The following USH2A variants were observed in gnomAD, a reference collection of about 807,000 sequenced individuals.
The protein encoded by USH2A is Usher syndrome 2A (autosomal recessive, mild).
Under a neutral mutation model 538.9 loss-of-function variants are expected in USH2A, and 443 were observed. The observed-to-expected ratio is 0.82, with a 90% CI of 0.76 to 0.89. The LOEUF (loss-of-function observed/expected upper bound fraction) is 0.89. USH2A is among the 40% of genes least tolerant of loss of function. The probability of loss-of-function intolerance (pLI) is 0.00; values close to 1 mark genes in which losing one functional copy is unlikely to be tolerated. For synonymous variants in USH2A, 2,413 were observed against 2,273.5 expected (o/e 1.06, Z -1.75); for missense variants, 6,633 against 6,324.8 (o/e 1.05, Z -1.65).
intron 21 of USH2A, among the ~76,000 whole-genome samples, chr1:216,134,656 A>G (rs1163158892): frequency 6.6e-6 from 1 of 152,152 alleles, no homozygotes; most frequent in Non-Finnish European, 1.5e-5. Flanking sequence ...AACTTTTCAT[A>G]TTGCACAAAT....
intron 61 of USH2A, among the ~76,000 whole-genome samples, chr1:215,716,358 C>G (rs1273643598): frequency 2.0e-5 from 3 of 152,212 alleles, no homozygotes; most frequent in Admixed American, 6.5e-5. Flanking sequence ...TATCCCCATT[C>G]AGTCCACTTA....
intron 48 of USH2A, among the ~76,000 whole-genome samples, chr1:215,814,265 CAT>C (rs1307665716): frequency 6.9e-6 from 1 of 145,596 alleles, no homozygotes; most frequent in African/African-American, 2.5e-5. Flanking sequence ...TACACATACA[CAT>C]ATGTATATAT....
intron 21 of USH2A, among the ~76,000 whole-genome samples, chr1:216,116,275 T>C (rs566528124): frequency 6.6e-6 from 1 of 152,262 alleles, no homozygotes; most frequent in South Asian, 2.1e-4. Flanking sequence ...AAAATTTATA[T>C]TTATTTTGAT....
At chr1:215,954,845 C>G (rs1042720667) in intron 37 of USH2A, among the ~76,000 whole-genome samples, 2 of 152,280 alleles carry the variant, frequency 1.3e-5, no homozygotes, top group South Asian at 4.1e-4. Flanking sequence ...CTAGTCTCAT[C>G]TGTGCCATTC....
intron 56 of USH2A, 109 bp from the exon 57 acceptor site, chr1:215,759,952 A>C: frequency 3.1e-6 from 4 of 1,279,164 alleles, no homozygotes; most frequent in Non-Finnish European, 4.5e-6. Context: ...TTGATTTTAA[A>C]AAATATCTAA....
At chr1:215,883,471 A>G (rs1457472178) in intron 41 of USH2A, among the ~76,000 whole-genome samples, 1 of 151,796 alleles carries the variant, frequency 6.6e-6, no homozygotes. Context: ...TTTCTTTAGA[A>G]AGTGCTCCCC....
At chr1:215,751,488 G>T (rs779396952) in intron 58 of USH2A, among the ~76,000 whole-genome samples, 5 of 152,020 alleles carry the variant, frequency 3.3e-5, no homozygotes, top group African/African-American at 4.8e-5. Context: ...TCATCATCTC[G>T]ATAAATTAGA....
chr1:215,837,557 A>G (rs1663566686), intron 47 of USH2A, among the ~76,000 whole-genome samples: 1 of 152,200 alleles, frequency 6.6e-6, no homozygotes, highest in South Asian at 2.1e-4. Context: ...AAAATTGGTA[A>G]TGCTTATCTA....
chr1:215,715,450 A>G (rs1173663962), intron 61 of USH2A, among the ~76,000 whole-genome samples: 1 of 152,180 alleles, frequency 6.6e-6, no homozygotes, highest in African/African-American at 2.4e-5. Context: ...GGGTTGTGGT[A>G]CCAGATGTGT....
chr1:216,102,805 C>CAA (rs1024227305), intron 21 of USH2A, among the ~76,000 whole-genome samples: 9 of 152,010 alleles, frequency 5.9e-5, no homozygotes, highest in African/African-American at 1.9e-4. Flanking sequence ...GTCTCAAAAA[C>CAA]AAACAAAAAA....
At chr1:215,658,092 G>A (rs894509017) in intron 64 of USH2A, among the ~76,000 whole-genome samples, 6 of 151,642 alleles carry the variant, frequency 4.0e-5, no homozygotes, top group Non-Finnish European at 7.4e-5. Flanking sequence ...ACGCCACCCC[G>A]CCCGGCTAAT....
intron 47 of USH2A, among the ~76,000 whole-genome samples, chr1:215,835,011 T>A (rs1663435876): frequency 6.6e-6 from 1 of 151,876 alleles, no homozygotes; most frequent in South Asian, 2.1e-4. Flanking sequence ...TTATTTATTT[T>A]TTTAAGTATG....
chr1:216,396,093 A>G (rs1472797016), intron 3 of USH2A, among the ~76,000 whole-genome samples: 3 of 152,192 alleles, frequency 2.0e-5, no homozygotes, highest in Non-Finnish European at 4.4e-5. Flanking sequence ...ATGGCATAAC[A>G]TAGAACCAGT....
Position 216,421,918 on chromosome 1 carries a change from G to T in USH2A, c.419C>A (p.Pro140His), listed in dbSNP as rs759474177. 2 of 1,613,926 alleles carry T rather than the reference G, an allele frequency of 1.2e-6. No individual in the cohort carries two copies. The highest frequency in any genetic ancestry group is 2.2e-5 in the East Asian group (1 of 44,868). Residue 140 changes from proline (P) to histidine (H), a missense_variant, in exon 2 of 72, where the codon CCT (proline) becomes CAT (histidine). By Grantham distance (77) the Pro-to-His change is moderately conservative. Transcript: ENST00000307340. The part of the protein sequence containing the change: ...GNHKSCFSSP[P>H]SPKLMASFTL... ...AAATGATGCCATCAGCTTTGGAGAAGGAGGAGAAGAAAAGCAGCTCTTGTG... is the reference window on the plus strand; with the variant it reads ...AAATGATGCCATCAGCTTTGGAGAATGAGGAGAAGAAAAGCAGCTCTTGTG...
At chr1:216,141,235 G>A (rs892041255) in intron 21 of USH2A, among the ~76,000 whole-genome samples, 1 of 152,110 alleles carries the variant, frequency 6.6e-6, no homozygotes, top group African/African-American at 2.4e-5. Context: ...GTTAATCTCC[G>A]AAGAAAACAA....
intron 60 of USH2A, among the ~76,000 whole-genome samples, chr1:215,733,544 A>T (rs1660068037): frequency 6.6e-6 from 1 of 152,220 alleles, no homozygotes; most frequent in Non-Finnish European, 1.5e-5. Flanking sequence ...AGTCTCAAGT[A>T]CCAAGTCTAA....
At chr1:215,851,004 G>C (rs969840121) in intron 44 of USH2A, among the ~76,000 whole-genome samples, 1 of 152,074 alleles carries the variant, frequency 6.6e-6, no homozygotes, top group South Asian at 2.1e-4. Flanking sequence ...AATGATAATA[G>C]TGATACAACC....
intron 34 of USH2A, among the ~76,000 whole-genome samples, chr1:215,996,526 A>G (rs1396423337): frequency 4.9e-5 from 7 of 141,650 alleles, no homozygotes; most frequent in African/African-American, 1.9e-4. Context: ...ATCACATTTC[A>G]AAATAGCCTT....
chr1:216,389,384 G>A (rs2039061118), intron 3 of USH2A, among the ~76,000 whole-genome samples: 1 of 152,110 alleles, frequency 6.6e-6, no homozygotes, highest in African/African-American at 2.4e-5. Context: ...GTCCTTCTAT[G>A]ATGTTGTTGG....
Sources: allele counts gnomAD v4.1 joint callset (sites outside exome capture counted in the v4.1 genomes callset), GRCh38; gene constraint gnomAD v4.1.1; transcripts MANE v1.5; gene names NCBI Gene and HGNC (gene_info 2026-07-23, HGNC 2026-07-21).